NRXN3: variants seen among roughly 807,000 people sequenced by gnomAD.
NRXN3 encodes the protein neurexin III.
In NRXN3, 32 loss-of-function variants were observed where a neutral mutation model predicts 137.6. The ratio of observed to expected loss-of-function variants is 0.23; its 90% CI spans 0.18 to 0.31. The LOEUF is 0.31. Among genes scored for constraint, NRXN3 ranks in the 10% least tolerant of loss-of-function variants. The pLI, the probability that NRXN3 is intolerant of heterozygous loss-of-function variation, is 1.00. For synonymous variants in NRXN3, 798 were observed against 784.5 expected, an observed-to-expected ratio of 1.02 and a Z score of -0.29; for missense variants, 1,574 against 2,062.5, an observed-to-expected ratio of 0.76 and a Z score of 4.59.
intron 2 of NRXN3, among the ~76,000 whole-genome samples, chr14:78,270,775 A>G (rs1430745298): frequency 6.6e-6 from 1 of 152,272 alleles, no homozygotes. Flanking sequence ...ATTAGGGACA[A>G]TCAGTTCTGT....
intron 15 of NRXN3, among the ~76,000 whole-genome samples, chr14:79,264,724 C>G (rs1034576279): frequency 6.6e-6 from 1 of 152,126 alleles, no homozygotes; most frequent in African/African-American, 2.4e-5. Context: ...GAACACAATT[C>G]AGTCTGTAAC....
chr14:79,418,993 C>T (rs2095537500), intron 15 of NRXN3, among the ~76,000 whole-genome samples: 1 of 152,170 alleles, frequency 6.6e-6, no homozygotes, highest in South Asian at 2.1e-4. Flanking sequence ...AGATTGTCTG[C>T]AGTAGGGCAG....
intron 16 of NRXN3, among the ~76,000 whole-genome samples, chr14:79,516,508 A>G (rs2096986173): frequency 6.6e-6 from 1 of 152,088 alleles, no homozygotes; most frequent in Admixed American, 6.5e-5. Context: ...CATTTTTACA[A>G]TTTTCTCTCC....
intron 19 of NRXN3, among the ~76,000 whole-genome samples, chr14:79,699,955 C>T (rs1321762383): frequency 2.0e-5 from 3 of 152,080 alleles, no homozygotes; most frequent in South Asian, 2.1e-4. Context: ...TTTTAAAAGC[C>T]CTGGATTTTT....
rs552356662 is a variant in NRXN3, at chr14:79,517,778, T to A, written c.3444+50376T>A. Among the ~76,000 whole-genome samples the A allele has an allele frequency of 3.2e-4, 48 of 152,224 alleles. No individual in the cohort carries two copies. The South Asian group carries it at 3.7e-3, about 12-fold the overall frequency. ...TAAATTCATTTCTGCACTTTTATTC[T>A]GCTGTATTGGTCTGTCAGTGCACAT... On this transcript the variant is annotated intron_variant, in intron 16 of 20. Transcript: ENST00000335750.
At chr14:79,112,649 AT>A (rs1391435642) in intron 15 of NRXN3, among the ~76,000 whole-genome samples, 1 of 152,216 alleles carries the variant, frequency 6.6e-6, no homozygotes, top group Non-Finnish European at 1.5e-5. Context: ...ATTTTACAAA[AT>A]TTAAACAATG....
intron 15 of NRXN3, among the ~76,000 whole-genome samples, chr14:79,136,383 G>A (rs1156414892): frequency 6.6e-6 from 1 of 152,152 alleles, no homozygotes; most frequent in Non-Finnish European, 1.5e-5. Flanking sequence ...CACTAAACTA[G>A]AAATAATCCA....
At chr14:78,594,860 A>G (rs747019252) in intron 4 of NRXN3, among the ~76,000 whole-genome samples, 1 of 152,248 alleles carries the variant, frequency 6.6e-6, no homozygotes, top group Non-Finnish European at 1.5e-5. Context: ...GATCAATTAC[A>G]TAAATAATAA....
intron 20 of NRXN3, among the ~76,000 whole-genome samples, chr14:79,859,254 G>A (rs115519670): frequency 0.021 from 3,141 of 152,034 alleles, 116 homozygotes; most frequent in African/African-American, 0.073. Context: ...ATGCTTTCTC[G>A]GTTCCCTCAG....
chr14:79,602,293 T>C (rs986436025), intron 16 of NRXN3, among the ~76,000 whole-genome samples: 1 of 152,198 alleles, frequency 6.6e-6, no homozygotes. Context: ...CTAACAAGAT[T>C]GTGCAGGCTA....
At chr14:79,115,035 C>T (rs1017231141) in intron 15 of NRXN3, among the ~76,000 whole-genome samples, 1 of 151,954 alleles carries the variant, frequency 6.6e-6, no homozygotes, top group East Asian at 1.9e-4. Context: ...GTTTAAGATG[C>T]GCAAACTAGG....
At chr14:78,294,567 A>G (rs1342807541) in intron 3 of NRXN3, among the ~76,000 whole-genome samples, 1 of 151,642 alleles carries the variant, frequency 6.6e-6, no homozygotes, top group Non-Finnish European at 1.5e-5. Context: ...AAAAAAAAAA[A>G]AAAAAAAAAA....
At chr14:78,429,458 C>T (rs1199331617) in intron 4 of NRXN3, among the ~76,000 whole-genome samples, 1 of 152,190 alleles carries the variant, frequency 6.6e-6, no homozygotes, top group East Asian at 1.9e-4. Flanking sequence ...GGATACAAAT[C>T]CTACTCTAGT....
intron 15 of NRXN3, among the ~76,000 whole-genome samples, chr14:79,462,517 GTA>G (rs961066115): frequency 1.2e-4 from 17 of 147,346 alleles, no homozygotes; most frequent in East Asian, 5.9e-4. Flanking sequence ...ACACATATAT[GTA>G]TATATATATA....
At chr14:79,154,673 A>G (rs1286612537) in intron 15 of NRXN3, among the ~76,000 whole-genome samples, 2 of 151,780 alleles carry the variant, frequency 1.3e-5, no homozygotes, top group African/African-American at 4.8e-5. Flanking sequence ...AATTCCCATC[A>G]TATCTGCCCT....
At chr14:78,303,792 C>T (rs2077100078) in intron 4 of NRXN3, among the ~76,000 whole-genome samples, 1 of 152,090 alleles carries the variant, frequency 6.6e-6, no homozygotes, top group Non-Finnish European at 1.5e-5. Context: ...CTAAGTCTGC[C>T]AGACTTTGTG....
intron 15 of NRXN3, among the ~76,000 whole-genome samples, chr14:79,096,696 C>T (rs966246274): frequency 6.6e-6 from 1 of 152,122 alleles, no homozygotes; most frequent in Non-Finnish European, 1.5e-5. Flanking sequence ...AGCTCTGATA[C>T]TTATTCCAGA....
chr14:78,295,331 G>A (rs2153523040), intron 3 of NRXN3, among the ~76,000 whole-genome samples: 1 of 152,176 alleles, frequency 6.6e-6, no homozygotes, highest in African/African-American at 2.4e-5. Context: ...TTCTGGCCTA[G>A]TATTTCTATT....
At chr14:78,290,414 A>G (rs1157031020) in intron 3 of NRXN3, among the ~76,000 whole-genome samples, 1 of 152,174 alleles carries the variant, frequency 6.6e-6, no homozygotes, top group Non-Finnish European at 1.5e-5. Flanking sequence ...GGAACTAGTG[A>G]ACCCTGGGCA....
Sources: gnomAD v4.1 joint callset for allele counts (sites outside exome capture counted in the v4.1 genomes callset) on GRCh38, gnomAD v4.1.1 for gene constraint, MANE v1.5 for transcripts, NCBI Gene and HGNC (gene_info 2026-07-23, HGNC 2026-07-21) for gene names.